Variants in ALK observed in about 807,000 individuals in gnomAD.
ALK encodes the protein ALK tyrosine kinase receptor.
Under a neutral mutation model 163.1 loss-of-function variants are expected in ALK, and 74 were observed. The observed-to-expected ratio is 0.45, with a 90% CI of 0.38 to 0.55. The LOEUF (loss-of-function observed/expected upper bound fraction) is 0.55, where lower values mean the gene tolerates loss of function less well. ALK is among the 20% of genes least tolerant of loss of function. The pLI, the probability that ALK is intolerant of heterozygous loss-of-function variation, is 0.00. For synonymous variants in ALK, 960 were observed against 843.2 expected (o/e 1.14, Z -2.40); for missense variants, 2,063 against 2,105.3 (o/e 0.98, Z 0.39).
Position 29,435,584 on chromosome 2 carries a change from A to G in ALK, c.1155-51725T>C, listed in dbSNP as rs115902791. Among the ~76,000 whole-genome samples, 391 of 152,084 alleles carry G rather than the reference A, an allele frequency of 2.6e-3. 2 individuals are homozygous for G. The highest frequency in any genetic ancestry group is 8.5e-3 in the African/African-American group (351 of 41,482). On this transcript the variant is annotated intron_variant, in intron 4 of 28. Transcript: ENST00000389048. ...TTTTCCTGAAAACATAAAAATACAGAAGTTTGGGAAAATTTTATGAAGTCA... is the reference window on the plus strand; with the variant it reads ...TTTTCCTGAAAACATAAAAATACAGGAGTTTGGGAAAATTTTATGAAGTCA...
At chr2:29,765,808 T>A (rs973995450) in intron 1 of ALK, among the ~76,000 whole-genome samples, 4 of 152,192 alleles carry the variant, frequency 2.6e-5, no homozygotes, top group Non-Finnish European at 5.9e-5. Context: ...TCTCTGTTTT[T>A]TTAAGCCCTT....
chr2:29,213,869 T>C (rs1558617035), intron 24 of ALK, 115 bp downstream of exon 24: 3 of 890,320 alleles, frequency 3.4e-6, no homozygotes, highest in Non-Finnish European at 5.6e-6. Context: ...CAAATGGCTC[T>C]GGAGGGAGAC....
chr2:29,277,500 G>T (rs1190468637), intron 9 of ALK, among the ~76,000 whole-genome samples: 6 of 152,214 alleles, frequency 3.9e-5, no homozygotes, highest in Admixed American at 3.9e-4. Flanking sequence ...GTGAGATCTG[G>T]TCATTCAGAA....
chr2:29,707,601 A>C (rs1479251835), intron 2 of ALK, among the ~76,000 whole-genome samples: 1 of 152,246 alleles, frequency 6.6e-6, no homozygotes, highest in African/African-American at 2.4e-5. Context: ...AGGCAGGTGA[A>C]GAACTGATAT....
In ALK at chr2:29,855,559, A is replaced by C. The variant is rs186444394; in HGVS notation, c.667+64434T>G. On this transcript the variant is annotated intron_variant, in intron 1 of 28. Transcript: ENST00000389048. The stretch of plus-strand genomic sequence containing the variant: ...ATTAATTGGTCAACATTCAAGGATT[A>C]TACCCTTGAACTTTGGGAAAAATTA... Among the ~76,000 whole-genome samples, 223 of 152,318 alleles carry C rather than the reference A, an allele frequency of 1.5e-3. 1 individual carries two copies. The highest frequency in any genetic ancestry group is 4.8e-3 in the African/African-American group (200 of 41,568).
chr2:29,523,858 G>GTTTTTTTTTTTTT (rs58587837), intron 4 of ALK, among the ~76,000 whole-genome samples: 1 of 110,950 alleles, frequency 9.0e-6, no homozygotes. Context: ...GAAGCTGAAG[G>GTTTTTTTTTTTTT]TTTTTTTTTT....
intron 3 of ALK, among the ~76,000 whole-genome samples, chr2:29,563,385 T>G (rs1674081840): frequency 6.6e-6 from 1 of 152,116 alleles, no homozygotes; most frequent in African/African-American, 2.4e-5. Flanking sequence ...CCAGAAAAAC[T>G]CAGGAATATC....
At chr2:29,638,167 C>T (rs566459557) in intron 3 of ALK, among the ~76,000 whole-genome samples, 38 of 152,186 alleles carry the variant, frequency 2.5e-4, no homozygotes, top group African/African-American at 7.9e-4. Flanking sequence ...TGGCGGAAAG[C>T]GGAGGCAGGA....
chr2:29,824,162 A>G (rs993878333), intron 1 of ALK, among the ~76,000 whole-genome samples: 3 of 152,226 alleles, frequency 2.0e-5, no homozygotes, highest in Non-Finnish European at 4.4e-5. Context: ...TTGAGCCTGC[A>G]GGTACACAGA....
chr2:29,620,088 A>C (rs1675986221), intron 3 of ALK, among the ~76,000 whole-genome samples: 1 of 152,222 alleles, frequency 6.6e-6, no homozygotes, highest in African/African-American at 2.4e-5. Context: ...TTAATCTGCT[A>C]AGTGGCAATA....
At chr2:29,582,739 G>C (rs987008282) in intron 3 of ALK, among the ~76,000 whole-genome samples, 1 of 152,152 alleles carries the variant, frequency 6.6e-6, no homozygotes, top group Non-Finnish European at 1.5e-5. Context: ...GAGACAGAGA[G>C]AGTATAAAAT....
chr2:29,668,637 C>T (rs1479694443), intron 3 of ALK, among the ~76,000 whole-genome samples: 2 of 152,072 alleles, frequency 1.3e-5, no homozygotes, highest in Non-Finnish European at 2.9e-5. Context: ...ATTCTTTGAA[C>T]TTGTTCAGCC....
At chr2:29,813,459 G>T (rs573284497) in intron 1 of ALK, among the ~76,000 whole-genome samples, 1 of 152,200 alleles carries the variant, frequency 6.6e-6, no homozygotes, top group South Asian at 2.1e-4. Flanking sequence ...GCAGGCTAAG[G>T]AAATAACTGT....
chr2:29,769,763 G>A (rs183500218), intron 1 of ALK, among the ~76,000 whole-genome samples: 1 of 152,290 alleles, frequency 6.6e-6, no homozygotes, highest in East Asian at 1.9e-4. Flanking sequence ...AGGAGGAAAG[G>A]GGGCATTAAT....
intron 3 of ALK, among the ~76,000 whole-genome samples, chr2:29,578,091 AC>A (rs1674576220): frequency 6.6e-6 from 1 of 151,634 alleles, no homozygotes; most frequent in Non-Finnish European, 1.5e-5. Flanking sequence ...TATGGGAGGG[AC>A]CCAGTGGGAG....
At chr2:29,578,995 A>G (rs1394089466) in intron 3 of ALK, among the ~76,000 whole-genome samples, 1 of 152,302 alleles carries the variant, frequency 6.6e-6, no homozygotes, top group Non-Finnish European at 1.5e-5. Flanking sequence ...CTAAAAAGCA[A>G]TGTCAGCAGG....
intron 3 of ALK, among the ~76,000 whole-genome samples, chr2:29,550,799 T>G (rs1673696582): frequency 6.6e-6 from 1 of 152,228 alleles, no homozygotes; most frequent in African/African-American, 2.4e-5. Context: ...TCTGTAGTCC[T>G]ACCAATTAAC....
intron 1 of ALK, among the ~76,000 whole-genome samples, chr2:29,846,858 T>C (rs1480913473): frequency 6.6e-6 from 1 of 152,216 alleles, no homozygotes; most frequent in Non-Finnish European, 1.5e-5. Context: ...TCTATTATTA[T>C]TCCCATTTTA....
intron 3 of ALK, among the ~76,000 whole-genome samples, chr2:29,570,908 AAC>A (rs977326644): frequency 6.1e-4 from 93 of 152,336 alleles, no homozygotes; most frequent in African/African-American, 2.2e-3. Flanking sequence ...AGAAGCAGGA[AAC>A]ACAAAATCTT....
Sources: gnomAD v4.1 joint callset for allele counts (sites outside exome capture counted in the v4.1 genomes callset) on GRCh38, gnomAD v4.1.1 for gene constraint, MANE v1.5 for transcripts, NCBI Gene and HGNC (gene_info 2026-07-23, HGNC 2026-07-21) for gene names.